The following KRT33B variants were observed in gnomAD, a reference collection of about 807,000 sequenced individuals.
The protein encoded by KRT33B is keratin, type I cuticular Ha3-II.
A neutral mutation model predicts 42.7 loss-of-function variants in KRT33B; 37 were observed. That is an observed-to-expected ratio of 0.87 (90% CI 0.67 to 1.14). The LOEUF is 1.14. Among genes scored for constraint, KRT33B ranks in the 50% most tolerant of loss-of-function variants. The pLI is 0.00. For synonymous variants in KRT33B, 237 were observed against 221.2 expected (o/e 1.07, Z -0.63); for missense variants, 523 against 515.1 (o/e 1.02, Z -0.15).
Position 41,369,709 on chromosome 17 carries a change from G to A in KRT33B, c.42C>T (p.Thr14=). The A allele has an allele frequency of 1.2e-6, 2 of 1,613,932 alleles. No individual in the cohort carries two copies. Among genetic ancestry groups the A allele is most frequent in the East Asian group, 4.5e-5 (2 of 44,880 alleles). The change falls in exon 1 of 7, where the codon ACC becomes ACT. Residue 14 remains threonine (T), a synonymous_variant. Coordinates refer to ENST00000251646, the MANE Select transcript of KRT33B (RefSeq NM_002279.5). ...NFCLPSLSCR[T]SCSSRPCVPP... ...GCACACAGGGCCGGGAGGAGCAGCT[G>A]GTGCGGCAGCTCAGGCTGGGCAGGC...
intron 3 of KRT33B, 82 bp downstream of exon 3, chr17:41,366,388 T>C: frequency 1.9e-6 from 3 of 1,540,326 alleles, no homozygotes; most frequent in Non-Finnish European, 2.6e-6. Context: ...CTAGGGTGCT[T>C]AGCAAATCAA....
chr17:41,364,316 T>C (rs966402557), intron 6 of KRT33B, among the ~76,000 whole-genome samples: 3 of 151,414 alleles, frequency 2.0e-5, no homozygotes, highest in Non-Finnish European at 4.4e-5. Context: ...TGCTGTACTG[T>C]TAGTTATTGA....
In KRT33B at chr17:41,364,942, A is replaced by G. The variant is rs1360335604; in HGVS notation, c.934T>C (p.Ser312Pro). The change falls in exon 6 of 7, where the codon TCC becomes CCC. Residue 312 changes from serine (S) to proline (P), a missense_variant. Coordinates refer to ENST00000251646, the MANE Select transcript of KRT33B (RefSeq NM_002279.5). ...ESEARYSSQL[S>P]QVQSLITNVE... ...TTGGTGATCAGGCTCTGCACCTGGG[A>G]CAGCTGGGAGCTGTAGCGGGCCTCG... is the stretch of plus-strand genomic sequence containing the variant. 6.2e-7 allele frequency: 1 copy of G among 1,613,334 alleles called. No individual in the cohort carries two copies. The highest frequency in any genetic ancestry group is 1.3e-5 in the African/African-American group (1 of 74,202).
chr17:41,368,408 CT>C (rs1235899500), intron 1 of KRT33B, among the ~76,000 whole-genome samples: 1 of 151,252 alleles, frequency 6.6e-6, no homozygotes, highest in Non-Finnish European at 1.5e-5. Flanking sequence ...TTGTTCATGC[CT>C]TTGCAAAAAG....
At chr17:41,365,083 A>G in intron 5 of KRT33B, 84 bp from the exon 6 acceptor site, 1 of 1,608,416 alleles carries the variant, frequency 6.2e-7, no homozygotes, top group Non-Finnish European at 8.5e-7. Context: ...ACAAGCTCCA[A>G]GAGCTAAGAA....
Position 41,369,619 on chromosome 17 carries a change from G to A in KRT33B, c.132C>T (p.Cys44=). The A allele has an allele frequency of 6.2e-7, 1 of 1,613,648 alleles. No homozygotes were observed. Among genetic ancestry groups the A allele is most frequent in the Non-Finnish European group, 8.5e-7 (1 of 1,180,050 alleles). Residue 44 remains cysteine, a synonymous_variant, in exon 1 of 7, where the codon TGC becomes TGT. Coordinates refer to ENST00000251646, the MANE Select transcript of KRT33B (RefSeq NM_002279.5). Reference sequence around the variant, plus strand: ...TGAAGGAGCCCTCGCAGAACCAGTTGCAGTTGCTCACATTGGCAGGGATGT... The same window carrying A: ...TGAAGGAGCCCTCGCAGAACCAGTTACAGTTGCTCACATTGGCAGGGATGT... The part of the protein sequence containing the change: ...ACNIPANVSN[C]NWFCEGSFNG...
chr17:41,366,657 C>CA, intron 2 of KRT33B, 31 bp from the exon 3 acceptor site: 7 of 1,520,242 alleles, frequency 4.6e-6, no homozygotes, highest in East Asian at 2.4e-5. Flanking sequence ...CAAAAGAGGT[C>CA]CAAAAAAAAA....
At position 41,369,520 on chromosome 17, in the gene KRT33B, C is replaced by T. The variant is rs1323322370; in HGVS notation, c.231G>A (p.Leu77=). The T allele has an allele frequency of 6.2e-7, 1 of 1,613,952 alleles. No individual in the cohort carries two copies. The highest frequency in any genetic ancestry group is 8.5e-7 in the Non-Finnish European group (1 of 1,180,050). ...LASYLEKVRQ[L]ERDNAELENL... is the part of the protein sequence containing the mutation. ...TCTCCAGCTCCGCGTTGTCCCGCTC[C>T]AGCTGACGCACCTTCTCCAGGTAGC... The change falls in exon 1 of 7, where the codon CTG becomes CTA. Residue 77 remains leucine, a synonymous_variant. Transcript: ENST00000251646.
At chr17:41,367,306 C>G (rs925755419) in intron 2 of KRT33B, among the ~76,000 whole-genome samples, 3 of 151,382 alleles carry the variant, frequency 2.0e-5, no homozygotes, top group Admixed American at 1.3e-4. Context: ...GGGGGGTTGA[C>G]AGTGACTAAC....
Position 41,364,779 on chromosome 17 carries a change from T to C in KRT33B, c.1097A>G (p.Lys366Arg). Residue 366 changes from lysine to arginine, a missense_variant and splice_region_variant, in exon 6 of 7, where the codon AAG (lysine) becomes AGG (arginine). Physicochemically the swap from Lys to Arg is conservative, Grantham distance 26. Coordinates refer to ENST00000251646, the MANE Select transcript of KRT33B (RefSeq NM_002279.5). ...GGGGTGCCGTCCGCCAGGTACTCAC[T>C]TGCAGTCCTCGCTCTCCAGCAGGCT... ...YRSLLESEDC[K>R]LPSNPCATTN... 1 of 1,612,640 alleles carries C rather than the reference T, an allele frequency of 6.2e-7. No individual in the cohort carries two copies. Among genetic ancestry groups the C allele is most frequent in the Non-Finnish European group, 8.5e-7 (1 of 1,179,918 alleles).
At chr17:41,363,990 G>T in intron 6 of KRT33B, 37 bp from the exon 7 acceptor site, 3 of 1,420,044 alleles carry the variant, frequency 2.1e-6, no homozygotes, top group Non-Finnish European at 3.0e-6. Flanking sequence ...AGCATGAGAA[G>T]GGTGATTCAA....
rs773946177 is a variant in KRT33B, at chr17:41,363,877, G to T, written c.1174C>A (p.Pro392Thr). ...IGSCVTNPCG[P>T]RSRCGPCNTF... ...TTGCAAGGCCCACAGCGGGAACGAG[G>T]ACCACAAGGATTGGTGACACAGGAT... Residue 392 changes from proline (P) to threonine (T), a missense_variant, in exon 7 of 7, where the codon CCT becomes ACT. Transcript: ENST00000251646. The T allele has an allele frequency of 6.2e-7, 1 of 1,611,640 alleles. No individual in the cohort carries two copies. The highest frequency in any genetic ancestry group is 2.2e-5 in the East Asian group (1 of 44,866).
chr17:41,365,459 G>T lies in KRT33B; in HGVS notation c.683C>A (p.Thr228Asn), dbSNP rs748708569. Residue 228 changes from threonine (T) to asparagine (N), a missense_variant, in exon 4 of 7, where the codon ACC (threonine) becomes AAC (asparagine). Physicochemically the swap from Thr to Asn is moderately conservative, Grantham distance 65. Transcript: ENST00000251646. Reference protein sequence around the residue: ...AVDLNQVLNETRNQYEALVET... With the variant: ...AVDLNQVLNENRNQYEALVET... The stretch of plus-strand genomic sequence containing the variant: ...CACCAGGGCCTCATACTGATTCCTG[G>T]TCTCGTTCAGGACCTGGTTCAGGTC... The T allele has an allele frequency of 1.2e-6, 2 of 1,612,912 alleles. 1 individual carries two copies. The highest frequency in any genetic ancestry group is 2.7e-5 in the African/African-American group (2 of 73,872).
At position 41,364,913 on chromosome 17, in the gene KRT33B, C is replaced by T. The variant is rs763736365; in HGVS notation, c.963G>A (p.Val321=). 6.2e-7 allele frequency: 1 copy of T among 1,613,400 alleles called. No individual in the cohort carries two copies. The highest frequency in any genetic ancestry group is 8.5e-7 in the Non-Finnish European group (1 of 1,180,044). The change falls in exon 6 of 7, where the codon GTG becomes GTA. Residue 321 remains valine (V), a synonymous_variant. Coordinates refer to ENST00000251646, the MANE Select transcript of KRT33B (RefSeq NM_002279.5). ...LSQVQSLITN[V]ESQLAEIRSD... is the part of the protein sequence containing the mutation. The stretch of plus-strand genomic sequence containing the variant: ...TGCGGATCTCCGCCAGCTGGGACTC[C>T]ACGTTGGTGATCAGGCTCTGCACCT...
Position 41,363,696 on chromosome 17 carries a change from G to C in KRT33B, c.*140C>G, listed in dbSNP as rs2017651891. 1.1e-5 allele frequency: 7 copies of C among 614,906 alleles called. No individual in the cohort carries two copies. The highest frequency in any genetic ancestry group is 2.0e-5 in the Non-Finnish European group (7 of 342,186). The allele number at this position is 614,906 out of a possible 1,614,324, so 38.1% of individuals were successfully genotyped here. A position where few individuals can be genotyped will look rare whatever the true frequency, so the allele number is the denominator to read the frequency against. ...GCTCAGAGTCAGACCCAAACGCTGG[G>C]CATTTGTTCTCCTTCCAGACCATGA... On this transcript the variant is annotated 3_prime_UTR_variant, in exon 7 of 7. Transcript: ENST00000251646.
At chr17:41,369,340 T>C (rs1284954118) in intron 1 of KRT33B, 63 bp downstream of exon 1, 2 of 1,582,448 alleles carry the variant, frequency 1.3e-6, no homozygotes, top group Non-Finnish European at 1.7e-6. Flanking sequence ...CCATTCACAG[T>C]TTAGTATGTC....
In KRT33B at chr17:41,366,604, G is replaced by T. The variant is rs139942367; in HGVS notation, c.454C>A (p.Arg152=). 5 of 1,611,490 alleles carry T rather than the reference G, an allele frequency of 3.1e-6. No individual in the cohort carries two copies. The highest frequency in any genetic ancestry group is 1.7e-5 in the Admixed American group (1 of 59,790). ...RTKYQTEQSL[R]QLVESDINSL... The stretch of plus-strand genomic sequence containing the variant: ...TTGATGTCGGACTCCACCAGCTGCC[G>T]CAGGGACTGCTCCGTCTGGTACCTG... Residue 152 remains arginine (R), a synonymous_variant, in exon 3 of 7, where the codon CGG becomes AGG. Coordinates refer to ENST00000251646, the MANE Select transcript of KRT33B (RefSeq NM_002279.5).
intron 1 of KRT33B, among the ~76,000 whole-genome samples, 182 bp downstream of exon 1, chr17:41,369,221 C>T (rs1331626891): frequency 6.6e-6 from 1 of 151,432 alleles, no homozygotes; most frequent in Non-Finnish European, 1.5e-5. Flanking sequence ...CAGCCTGCAT[C>T]CTTCCTTTGT....
chr17:41,364,807 G>A lies in KRT33B; in HGVS notation c.1069C>T (p.Arg357Trp), dbSNP rs769794586. Residue 357 changes from arginine to tryptophan, a missense_variant, in exon 6 of 7, where the codon CGG becomes TGG. By Grantham distance (101) the Arg-to-Trp change is moderately radical (BLOSUM62 -3). Transcript: ENST00000251646. The part of the protein sequence containing the change: ...ARLECEINTY[R>W]SLLESEDCKL... ...CAGTCCTCGCTCTCCAGCAGGCTCC[G>A]GTATGTGTTGATCTCACACTCCAGC... is the stretch of plus-strand genomic sequence containing the variant. The A allele has an allele frequency of 6.8e-6, 11 of 1,612,666 alleles. No homozygotes were observed. The highest frequency in any genetic ancestry group is 1.4e-5 in the African/African-American group (1 of 73,838).
Sources: gnomAD v4.1 joint callset for allele counts (sites outside exome capture counted in the v4.1 genomes callset) on GRCh38, gnomAD v4.1.1 for gene constraint, MANE v1.5 for transcripts, NCBI Gene and HGNC (gene_info 2026-07-23, HGNC 2026-07-21) for gene names.